The following CACNA2D2 variants were observed in gnomAD, a reference collection of about 807,000 sequenced individuals.
The protein encoded by CACNA2D2 is voltage-dependent calcium channel subunit alpha-2/delta-2.
In CACNA2D2, 48 loss-of-function variants were observed where a neutral mutation model predicts 166.4. The ratio of observed to expected loss-of-function variants is 0.29; its 90% confidence interval spans 0.23 to 0.37. The LOEUF (loss-of-function observed/expected upper bound fraction) is 0.37. Among genes scored for constraint, CACNA2D2 ranks in the 10% least tolerant of loss-of-function variants. The pLI is 1.00. For missense variants in CACNA2D2, 1,122 were observed against 1,433.0 expected (o/e 0.78, Z 3.50); for synonymous variants, 561 against 573.7 (o/e 0.98, Z 0.32).
At chr3:50,383,935 C>T (rs1319423184) in intron 6 of CACNA2D2, among the ~76,000 whole-genome samples, 4 of 152,182 alleles carry the variant, frequency 2.6e-5, no homozygotes, top group African/African-American at 4.8e-5. Flanking sequence ...CCTGTGGACA[C>T]GTGGGCAGGA....
In CACNA2D2 at chr3:50,365,582, G is replaced by C. The variant is rs768571672; in HGVS notation, c.2971+51C>G. ...CCACCCTCCCCATGGAGTCGTCTTA[G>C]CTCAGATTGGGGACCCGGACTTGAG... On this transcript the variant is annotated intron_variant, in intron 34 of 37. Transcript: ENST00000424201. This position sits in a 1 kb window ranked among gnomAD's most constrained non-coding sequence, Gnocchi z 4.5. 1 of 1,576,610 alleles carries C rather than the reference G, an allele frequency of 6.3e-7. No individual in the cohort carries two copies. Among genetic ancestry groups the C allele is most frequent in the Non-Finnish European group, 8.6e-7 (1 of 1,160,788 alleles).
intron 14 of CACNA2D2, 28 bp from the exon 15 acceptor site, chr3:50,378,125 T>G: frequency 6.2e-7 from 1 of 1,605,268 alleles, no homozygotes; most frequent in Non-Finnish European, 8.5e-7. Flanking sequence ...GTGGGGGTAA[T>G]GAGTGCCTTT....
At chr3:50,469,819 C>G (rs563376994) in intron 2 of CACNA2D2, among the ~76,000 whole-genome samples, 4 of 152,368 alleles carry the variant, frequency 2.6e-5, no homozygotes, top group Admixed American at 2.0e-4. Flanking sequence ...TTGGCCTTAG[C>G]TGTGGGACCA....
At chr3:50,389,286 C>A (rs1705769776) in intron 4 of CACNA2D2, among the ~76,000 whole-genome samples, 2 of 152,376 alleles carry the variant, frequency 1.3e-5, no homozygotes, top group South Asian at 4.1e-4. Flanking sequence ...TGACGAAGAT[C>A]ATTCCTGAAC....
In CACNA2D2 at chr3:50,365,305, C is replaced by A. The variant is rs748103379; in HGVS notation, c.3098+51G>T. On this transcript the variant is annotated intron_variant, in intron 35 of 37. Transcript: ENST00000424201. This position sits in a 1 kb window ranked among gnomAD's most constrained non-coding sequence, Gnocchi z 4.5. The stretch of plus-strand genomic sequence containing the variant: ...CCTTCCATCCTCCCGAGCGTCTCGC[C>A]CCGCTCACAGGTTCCGCCCTTGGCC... The A allele has an allele frequency of 6.2e-7, 1 of 1,603,964 alleles. No individual in the cohort carries two copies. The highest frequency in any genetic ancestry group is 8.5e-7 in the Non-Finnish European group (1 of 1,175,516).
intron 1 of CACNA2D2, among the ~76,000 whole-genome samples, chr3:50,493,832 G>C (rs1434589113): frequency 6.6e-6 from 1 of 152,230 alleles, no homozygotes; most frequent in Non-Finnish European, 1.5e-5. Context: ...GTGTTGGTCA[G>C]GAAGGCTCCT....
At chr3:50,441,849 T>C (rs1402771085) in intron 2 of CACNA2D2, among the ~76,000 whole-genome samples, 3 of 152,214 alleles carry the variant, frequency 2.0e-5, no homozygotes. Flanking sequence ...TCCTGATGGC[T>C]TCTGTGAACA....
At chr3:50,377,986 C>A in intron 15 of CACNA2D2, 22 bp downstream of exon 15, 1 of 1,610,892 alleles carries the variant, frequency 6.2e-7, no homozygotes, top group Non-Finnish European at 8.5e-7. Context: ...AGCCCCACCC[C>A]TTCCTTGTCC....
At chr3:50,385,989 T>A (rs1705584951) in intron 5 of CACNA2D2, among the ~76,000 whole-genome samples, 1 of 151,800 alleles carries the variant, frequency 6.6e-6, no homozygotes, top group African/African-American at 2.4e-5. Flanking sequence ...ACCTTCTGGC[T>A]GGTAATTTAA....
chr3:50,386,885 C>G (rs1705637342), intron 5 of CACNA2D2, among the ~76,000 whole-genome samples: 2 of 152,210 alleles, frequency 1.3e-5, no homozygotes, highest in Non-Finnish European at 2.9e-5. Flanking sequence ...ACACCGTCTA[C>G]TCCAAGTGCC....
At chr3:50,489,788 G>A (rs1351713855) in intron 1 of CACNA2D2, among the ~76,000 whole-genome samples, 1 of 151,850 alleles carries the variant, frequency 6.6e-6, no homozygotes, top group Admixed American at 6.5e-5. Context: ...GACTGGGGAG[G>A]CCCAGGGCCA....
chr3:50,500,529 G>A (rs1378735370), intron 1 of CACNA2D2, among the ~76,000 whole-genome samples: 1 of 152,200 alleles, frequency 6.6e-6, no homozygotes, highest in African/African-American at 2.4e-5. Context: ...GACACAAGGG[G>A]AGGCAAAGCA....
chr3:50,385,517 G>T (rs1055511290), intron 5 of CACNA2D2, among the ~76,000 whole-genome samples: 1 of 152,216 alleles, frequency 6.6e-6, no homozygotes, highest in Non-Finnish European at 1.5e-5. Flanking sequence ...CTGGGGAAAG[G>T]GTGACCGTGC....
chr3:50,402,561 C>T (rs1706496646), intron 3 of CACNA2D2, among the ~76,000 whole-genome samples: 1 of 152,212 alleles, frequency 6.6e-6, no homozygotes, highest in Admixed American at 6.5e-5. Flanking sequence ...CAGAGCCCAG[C>T]CATATGAAGG....
In CACNA2D2 at chr3:50,365,731, C is replaced by T. The variant is rs200627874; in HGVS notation, c.2916-43G>A. 2.0e-5 allele frequency: 32 copies of T among 1,602,518 alleles called. No individual in the cohort carries two copies. The highest frequency in any genetic ancestry group is 2.7e-5 in the Non-Finnish European group (32 of 1,174,780). ...CCGAGTGCAGGTGGTCAGCAGAGGA[C>T]GATGCCATGCCCTACTTCTCTTCTG... On this transcript the variant is annotated intron_variant, in intron 33 of 37. Coordinates refer to ENST00000424201, the MANE Select transcript of CACNA2D2 (RefSeq NM_006030.4). The surrounding 1 kb of genome is among the most constrained non-coding windows in gnomAD (Gnocchi z 4.5).
At position 50,365,732 on chromosome 3, in the gene CACNA2D2, G is replaced by A. The variant is rs768944704; in HGVS notation, c.2916-44C>T. Reference sequence around the variant, plus strand: ...CGAGTGCAGGTGGTCAGCAGAGGACGATGCCATGCCCTACTTCTCTTCTGA... The same window carrying A: ...CGAGTGCAGGTGGTCAGCAGAGGACAATGCCATGCCCTACTTCTCTTCTGA... On this transcript the variant is annotated intron_variant, in intron 33 of 37. Transcript: ENST00000424201. This position sits in a 1 kb window ranked among gnomAD's most constrained non-coding sequence, Gnocchi z 4.5. 1 of 1,603,216 alleles carries A rather than the reference G, an allele frequency of 6.2e-7. No individual in the cohort carries two copies.
rs759991914 is a variant in CACNA2D2, at chr3:50,376,097, C to T, written c.1701+17G>A. On this transcript the variant is annotated intron_variant, in intron 18 of 37. Transcript: ENST00000424201. The surrounding 1 kb of genome is among the most constrained non-coding windows in gnomAD (Gnocchi z 4.3). ...GTGGAAGGTTTGCCCACCCTCCAGG[C>T]CACCCGTCTGGCTCACCTGGGGCTT... 1.2e-6 allele frequency: 2 copies of T among 1,613,390 alleles called. No homozygotes were observed. Among genetic ancestry groups the T allele is most frequent in the East Asian group, 4.5e-5 (2 of 44,884 alleles).
At chr3:50,369,082 C>A (rs1462771039) in intron 23 of CACNA2D2, among the ~76,000 whole-genome samples, 2 of 152,226 alleles carry the variant, frequency 1.3e-5, no homozygotes, top group African/African-American at 2.4e-5. Context: ...GGAACTGGGT[C>A]TCAGGCCCCA....
chr3:50,492,269 T>C (rs1426325742), intron 1 of CACNA2D2, among the ~76,000 whole-genome samples: 2 of 152,356 alleles, frequency 1.3e-5, no homozygotes, highest in East Asian at 3.9e-4. Flanking sequence ...GCCATCCTCT[T>C]AGCCCACTCA....
Sources: allele counts gnomAD v4.1 joint callset (sites outside exome capture counted in the v4.1 genomes callset), GRCh38; gene constraint gnomAD v4.1.1; non-coding constraint Gnocchi (gnomAD v3.1); transcripts MANE v1.5; gene names NCBI Gene and HGNC (gene_info 2026-07-23, HGNC 2026-07-21).